TTN: variants seen among roughly 807,000 people sequenced by gnomAD.
TTN encodes the protein titin.
A neutral mutation model predicts 3,223.0 loss-of-function variants in TTN; 1,525 were observed. The ratio of observed to expected loss-of-function variants is 0.47; its 90% CI spans 0.45 to 0.49. The LOEUF (loss-of-function observed/expected upper bound fraction) is 0.49, where lower values mean the gene tolerates loss of function less well. Among genes scored for constraint, TTN ranks in the 20% least tolerant of loss-of-function variants. The pLI is 0.00. For synonymous variants in TTN, 14,094 were observed against 15,161.0 expected (o/e 0.93, Z 5.17); for missense variants, 40,786 against 43,424.0 (o/e 0.94, Z 5.40).
At position 178,571,326 on chromosome 2, in the gene TTN, C is replaced by T; in HGVS notation, c.74806G>A (p.Gly24936Arg). Residue 24936 changes from glycine (G) to arginine (R), a missense_variant, in exon 326 of 363, where the codon GGA (glycine) becomes AGA (arginine). Transcript: ENST00000589042. The part of the protein sequence containing the change: ...EVQWNEPISD[G>R]GSRVIGYHLE... ...TGATAGCCAATGACTCTACTTCCTC[C>T]ATCACTGATTGGCTCATTCCATTGT... 1 of 1,613,424 alleles carries T rather than the reference C, an allele frequency of 6.2e-7. No homozygotes were observed.
intron 13 of TTN, among the ~76,000 whole-genome samples, chr2:178,786,803 A>T (rs2093217628): frequency 6.6e-6 from 1 of 152,258 alleles, no homozygotes; most frequent in East Asian, 1.9e-4. Flanking sequence ...TTAAAATGAA[A>T]GTGTTATCAT....
rs2090998347 is a variant in TTN at position 178,768,886 on chromosome 2, C to A, written c.8950G>T (p.Asp2984Tyr). The A allele has an allele frequency of 3.7e-6, 6 of 1,613,984 alleles. No individual in the cohort carries two copies. The highest frequency in any genetic ancestry group is 5.1e-6 in the Non-Finnish European group (6 of 1,179,996). Residue 2984 changes from aspartate to tyrosine, a missense_variant, in exon 38 of 363, where the codon GAC becomes TAC. Transcript: ENST00000589042. ...MLKDINAEEK[D>Y]TITFEVTVNY... ...ACTGTCACCTCAAAAGTAATAGTGT[C>A]TTTTTCTTCAGCGTTGATGTCTTTC... is the stretch of plus-strand genomic sequence containing the variant.
At chr2:178,584,021 C>T in intron 311 of TTN, 115 bp from the exon 312 acceptor site, 1 of 1,226,168 alleles carries the variant, frequency 8.2e-7, no homozygotes, top group Non-Finnish European at 1.1e-6. Context: ...AGACAATTAT[C>T]CCATTTTAAT....
rs1264009657 is a variant in TTN at position 178,793,518 on chromosome 2, A to C, written c.1422T>G (p.Thr474=). Residue 474 remains threonine (T), a synonymous_variant, in exon 9 of 363, where the codon ACT becomes ACG. Coordinates refer to ENST00000589042, the MANE Select transcript of TTN (RefSeq NM_001267550.2). ...QEQVRKEAEK[T]AVTKVVVAAD... ...CGGCCACTACTACCTTAGTTACAGC[A>C]GTCTTCTCCGCTTCCTTTCTTACCT... The C allele has an allele frequency of 6.2e-7, 1 of 1,614,032 alleles. No homozygotes were observed. Among genetic ancestry groups the C allele is most frequent in the Non-Finnish European group, 8.5e-7 (1 of 1,180,014 alleles).
Position 178,616,555 on chromosome 2 carries a change from G to T in TTN, c.48236C>A (p.Pro16079His). Reference protein sequence around the residue: ...KDSVHLTWEPPDDDGGSPLTG... With the variant: ...KDSVHLTWEPHDDDGGSPLTG... ...TAACGGACTTCCTCCATCATCATCA[G>T]GTGGTTCCCAAGTCAAATGTACTGA... Residue 16079 changes from proline to histidine, a missense_variant, in exon 257 of 363, where the codon CCT (proline) becomes CAT (histidine). Pro to His is a moderately conservative substitution (Grantham distance 77). Transcript: ENST00000589042. 6.2e-7 allele frequency: 1 copy of T among 1,612,310 alleles called. No individual in the cohort carries two copies. The highest frequency in any genetic ancestry group is 1.7e-5 in the Admixed American group (1 of 59,898).
At position 178,650,253 on chromosome 2, in the gene TTN, T is replaced by G; in HGVS notation, c.39728A>C (p.Glu13243Ala). Residue 13243 changes from glutamate to alanine, a missense_variant, in exon 210 of 363, where the codon GAA (glutamate) becomes GCA (alanine). Transcript: ENST00000589042. ...AGCAATTTCCTCTTCAGGAGCAATT[T>G]CCTCAGGTTCTTCATATACTTTAAA... ...PPPEVYEEPE[E>A]IAPEEEIAPE... 1.3e-6 allele frequency: 2 copies of G among 1,580,642 alleles called. No homozygotes were observed. The highest frequency in any genetic ancestry group is 1.7e-6 in the Non-Finnish European group (2 of 1,161,726).
intron 96 of TTN, 92 bp downstream of exon 96, chr2:178,711,852 A>C: frequency 6.8e-7 from 1 of 1,462,984 alleles, no homozygotes; most frequent in Non-Finnish European, 9.1e-7. Context: ...AAGCCTTTGG[A>C]AAGATTTTCC....
Position 178,567,523 on chromosome 2 carries a change from A to G in TTN, c.78609T>C (p.Ile26203=). 1 of 1,611,822 alleles carries G rather than the reference A, an allele frequency of 6.2e-7. No individual in the cohort carries two copies. ...ISMDPKFRDT[I]VVNAGETFRL... is the part of the protein sequence containing the mutation. ...TGAATGTTTCTCCAGCATTTACCAC[A>G]ATTGTGTCTCTGAATTTTGGATCCA... The change falls in exon 326 of 363, where the codon ATT becomes ATC. Residue 26203 remains isoleucine, a synonymous_variant. Coordinates refer to ENST00000589042, the MANE Select transcript of TTN (RefSeq NM_001267550.2).
In TTN at chr2:178,568,780, G is replaced by A. The variant is rs1559374274; in HGVS notation, c.77352C>T (p.Ser25784=). 6.2e-7 allele frequency: 1 copy of A among 1,612,888 alleles called. No individual in the cohort carries two copies. Among genetic ancestry groups the A allele is most frequent in the South Asian group, 1.1e-5 (1 of 91,006 alleles). ...VNEKGRSDPR[S]LAVPIVAKDL... ...CTTTGGCAACTATTGGAACTGCAAG[G>A]GACCGAGGATCACTTCTCCCCTTTT... Residue 25784 remains serine, a synonymous_variant, in exon 326 of 363, where the codon TCC becomes TCT. Transcript: ENST00000589042.
chr2:178,615,560 T>A, intron 258 of TTN, 76 bp from the exon 259 acceptor site: 1 of 1,609,286 alleles, frequency 6.2e-7, no homozygotes, highest in South Asian at 1.1e-5. Flanking sequence ...AACCCCTGCC[T>A]TGCCCCATAA....
intron 159 of TTN, among the ~76,000 whole-genome samples, chr2:178,668,222 A>G (rs1487502048): frequency 1.3e-5 from 2 of 152,198 alleles, no homozygotes; most frequent in Non-Finnish European, 2.9e-5. Flanking sequence ...GAGGCAGAAA[A>G]TTAAAAAAAT....
intron 54 of TTN, 43 bp from the exon 55 acceptor site, chr2:178,733,164 G>T (rs757377645): frequency 6.4e-7 from 1 of 1,558,396 alleles, no homozygotes; most frequent in South Asian, 1.2e-5. Flanking sequence ...ATATAGAAGA[G>T]TGCTCAGTGA....
At chr2:178,705,535 C>G (rs962344926) in intron 102 of TTN, among the ~76,000 whole-genome samples, 178 bp from the exon 103 acceptor site, 2 of 151,572 alleles carry the variant, frequency 1.3e-5, no homozygotes, top group African/African-American at 2.4e-5. Context: ...GAGATGGAGT[C>G]GATTAAGATC....
At position 178,631,155 on chromosome 2, in the gene TTN, A is replaced by G. The variant is rs758766304; in HGVS notation, c.43893T>C (p.Ala14631=). The G allele has an allele frequency of 6.2e-7, 1 of 1,613,346 alleles. No individual in the cohort carries two copies. The highest frequency in any genetic ancestry group is 8.5e-7 in the Non-Finnish European group (1 of 1,179,588). The part of the protein sequence containing the change: ...DGKEIKPSKN[A]VIKADGKKRM... ...GTTTCTTGCCATCTGCCTTAATAAC[A>G]GCATTTTTGGATGGCTTTATTTCCT... The change falls in exon 237 of 363, where the codon GCT becomes GCC. Residue 14631 remains alanine, a synonymous_variant. Transcript: ENST00000589042.
chr2:178,753,063 T>G, intron 47 of TTN, 61 bp downstream of exon 47: 15 of 1,426,798 alleles, frequency 1.1e-5, no homozygotes, highest in Non-Finnish European at 1.5e-5. Flanking sequence ...AGAAGGCAAC[T>G]CAAGGATCCT....
In TTN at chr2:178,667,641, T is replaced by C; in HGVS notation, c.35626A>G (p.Lys11876Glu). The change falls in exon 160 of 363, where the codon AAA becomes GAA. Residue 11876 changes from lysine (K) to glutamate (E), a missense_variant. Physicochemically the swap from Lys to Glu is moderately conservative, Grantham distance 56 (BLOSUM62 1). Coordinates refer to ENST00000589042, the MANE Select transcript of TTN (RefSeq NM_001267550.2). ...QPQKTKPKLA[K>E]VPEPPKKVVP... The stretch of plus-strand genomic sequence containing the variant: ...GTGGATCATTGGTGTTATATACCTT[T>C]TGCTAGTTTGGGTTTTGTCTTTTGA... 6.3e-7 allele frequency: 1 copy of C among 1,596,310 alleles called. No homozygotes were observed.
Position 178,622,002 on chromosome 2 carries a change from A to G in TTN, c.44920T>C (p.Trp14974Arg). 6.2e-7 allele frequency: 1 copy of G among 1,604,714 alleles called. No homozygotes were observed. Among genetic ancestry groups the G allele is most frequent in the Non-Finnish European group, 8.5e-7 (1 of 1,175,084 alleles). ...TTAATTTCAGCACCATCTTTAAACC[A>G]CTTAACCTATATTTAAGATAAATAG... ...ELSRENAKVK[W>R]FKDGAEIKKG... is the part of the protein sequence containing the mutation. Residue 14974 changes from tryptophan (W) to arginine (R), a missense_variant, in exon 244 of 363, where the codon TGG becomes CGG. Physicochemically the swap from Trp to Arg is moderately radical, Grantham distance 101. Transcript: ENST00000589042.
chr2:178,664,230 G>C, intron 168 of TTN, 132 bp from the exon 169 acceptor site: 1 of 957,394 alleles, frequency 1.0e-6, no homozygotes, highest in South Asian at 1.8e-5. Flanking sequence ...TCCCATAATA[G>C]GTGGTGTTTC....
chr2:178,683,636 C>T (rs2070017663), intron 133 of TTN, among the ~76,000 whole-genome samples: 2 of 151,954 alleles, frequency 1.3e-5, no homozygotes, highest in African/African-American at 2.4e-5. Flanking sequence ...AAGACATTTT[C>T]CTTAGCTCTA....
Sources: allele counts gnomAD v4.1 joint callset (sites outside exome capture counted in the v4.1 genomes callset), GRCh38; gene constraint gnomAD v4.1.1; transcripts MANE v1.5; gene names NCBI Gene and HGNC (gene_info 2026-07-23, HGNC 2026-07-21).